SCAMP2: variants seen among roughly 807,000 people sequenced by gnomAD.
SCAMP2 encodes the protein secretory carrier-associated membrane protein 2.
In SCAMP2, 25 loss-of-function variants were observed where a neutral mutation model predicts 44.1. The observed-to-expected ratio is 0.57, with a 90% CI of 0.41 to 0.79. The LOEUF (loss-of-function observed/expected upper bound fraction) is 0.79. SCAMP2 is among the 30% of genes least tolerant of loss of function. The probability of loss-of-function intolerance (pLI) is 0.00; values close to 1 mark genes in which losing one functional copy is unlikely to be tolerated. For missense variants in SCAMP2, 355 were observed against 411.0 expected (o/e 0.86, Z 1.18); for synonymous variants, 156 against 166.0 (o/e 0.94, Z 0.46).
intron 1 of SCAMP2, among the ~76,000 whole-genome samples, chr15:74,855,546 G>A (rs187648439): frequency 7.5e-4 from 114 of 151,898 alleles, no homozygotes; most frequent in African/African-American, 2.5e-3. Context: ...GAGAAACCCC[G>A]TCTCTACTAA....
At chr15:74,870,882 G>T (rs1175108021) in intron 1 of SCAMP2, among the ~76,000 whole-genome samples, 1 of 152,192 alleles carries the variant, frequency 6.6e-6, no homozygotes, top group Admixed American at 6.6e-5. Context: ...TGACAGGAAG[G>T]ACTCCTTCAA....
At chr15:74,872,188 G>A (rs1252284740) in intron 1 of SCAMP2, among the ~76,000 whole-genome samples, 3 of 151,990 alleles carry the variant, frequency 2.0e-5, no homozygotes, top group Non-Finnish European at 4.4e-5. Flanking sequence ...CGAGGCGGAT[G>A]GATCACCTGA....
At chr15:74,853,899 A>G (rs2064451364) in intron 3 of SCAMP2, 122 bp downstream of exon 3, 1 of 827,952 alleles carries the variant, frequency 1.2e-6, no homozygotes, top group African/African-American at 1.7e-5. Context: ...CAAATTAGCA[A>G]GAGGGCCCTT....
At chr15:74,861,725 T>C (rs774487160) in intron 1 of SCAMP2, among the ~76,000 whole-genome samples, 28 of 151,548 alleles carry the variant, frequency 1.8e-4, no homozygotes, top group South Asian at 1.0e-3. Context: ...GGTGAAACCC[T>C]GTCTCTACTA....
At chr15:74,856,769 G>GT (rs1162587616) in intron 1 of SCAMP2, among the ~76,000 whole-genome samples, 2 of 151,598 alleles carry the variant, frequency 1.3e-5, no homozygotes, top group Non-Finnish European at 2.9e-5. Flanking sequence ...GATTTTTAAA[G>GT]TTTTTTTGTA....
intron 1 of SCAMP2, among the ~76,000 whole-genome samples, chr15:74,860,685 T>TAAAAAA (rs34842935): frequency 1.1e-5 from 1 of 89,532 alleles, no homozygotes. Context: ...AGACTCCATT[T>TAAAAAA]AAAAAAAAAA....
At chr15:74,871,432 C>T (rs891676205) in intron 1 of SCAMP2, among the ~76,000 whole-genome samples, 4 of 151,788 alleles carry the variant, frequency 2.6e-5, no homozygotes, top group African/African-American at 7.3e-5. Context: ...ACAGCCTGGG[C>T]GACAGAGTGA....
At chr15:74,860,994 G>A (rs753785003) in intron 1 of SCAMP2, among the ~76,000 whole-genome samples, 29 of 151,914 alleles carry the variant, frequency 1.9e-4, no homozygotes, top group Non-Finnish European at 2.9e-4. Flanking sequence ...GGCTAACAAG[G>A]TGAAACCCCA....
chr15:74,872,962 G>A (rs895609648), intron 1 of SCAMP2: 19 of 462,288 alleles, frequency 4.1e-5, no homozygotes, highest in Admixed American at 1.3e-4. Context: ...CCAGCCTCCG[G>A]GTGCTAGAAG....
chr15:74,850,660 A>C lies in SCAMP2; in HGVS notation c.486T>G (p.Thr162=). Residue 162 remains threonine (T), a synonymous_variant, in exon 6 of 9, where the codon ACT becomes ACG. Transcript: ENST00000268099. The part of the protein sequence containing the change: ...LYYLWMLHSV[T]LFLNLLACLA... ...GGCAGGCAAGCAGGTTCAGAAACAG[A>C]GTCACTGAATGCACTGGGGAAGGGG... The C allele has an allele frequency of 6.2e-7, 1 of 1,613,964 alleles. No individual in the cohort carries two copies.
At chr15:74,855,646 G>A (rs558521661) in intron 1 of SCAMP2, among the ~76,000 whole-genome samples, 119 of 149,924 alleles carry the variant, frequency 7.9e-4, no homozygotes, top group South Asian at 5.9e-3. Context: ...AACCCGGGAG[G>A]CAGAGGTTGC....
chr15:74,865,785 CAAAAAAAAAAA>C (rs768984095), intron 1 of SCAMP2, among the ~76,000 whole-genome samples: 1 of 90,662 alleles, frequency 1.1e-5, no homozygotes, highest in Non-Finnish European at 2.0e-5. Context: ...CTCATTTCTC[CAAAAAAAAAAA>C]AAAAAAAAGC....
At chr15:74,848,234 AT>A (rs1185365486) in intron 7 of SCAMP2, among the ~76,000 whole-genome samples, 1 of 151,926 alleles carries the variant, frequency 6.6e-6, no homozygotes, top group Admixed American at 6.6e-5. Context: ...CAACAGGCTA[AT>A]TTTTTTAATT....
intron 6 of SCAMP2, 150 bp downstream of exon 6, chr15:74,850,364 G>C (rs2064427200): frequency 2.5e-6 from 2 of 787,630 alleles, no homozygotes; most frequent in Non-Finnish European, 4.1e-6. Flanking sequence ...TGCTCTGGGT[G>C]GGAACAGAGG....
chr15:74,844,691 G>A lies in SCAMP2; in HGVS notation c.*392C>T. 1 of 172,702 alleles carries A rather than the reference G, an allele frequency of 5.8e-6. No individual in the cohort carries two copies. Among genetic ancestry groups the A allele is most frequent in the Non-Finnish European group, 1.3e-5 (1 of 79,830 alleles). The allele number at this position is 172,702 out of a possible 1,614,324, so 10.7% of individuals were successfully genotyped here. A position where few individuals can be genotyped will look rare whatever the true frequency, so the allele number is the denominator to read the frequency against. ...AAGAAGCCAGATTCAGGCCAGGCCT[G>A]CAGGGTGGGGGAGTCAAGGCCCAGG... On this transcript the variant is annotated 3_prime_UTR_variant, in exon 9 of 9. Transcript: ENST00000268099.
In SCAMP2 at chr15:74,855,716, C is replaced by A. The variant is rs1457943694; in HGVS notation, c.58-1067G>T. On this transcript the variant is annotated intron_variant, in intron 1 of 8. Coordinates refer to ENST00000268099, the MANE Select transcript of SCAMP2 (RefSeq NM_005697.5). ...GGGCAACAAGAGCAAAACTCCATCT[C>A]AAAAAAAAAAAAAAAAAAAAAAGTA... Among the ~76,000 whole-genome samples, 433 of 83,872 alleles carry A rather than the reference C, an allele frequency of 5.2e-3. 3 individuals are homozygous for A. The highest frequency in any genetic ancestry group is 0.014 in the African/African-American group (296 of 21,560). 55.0% of individuals were successfully genotyped at this position (83,872 alleles called of 152,430 possible).
Position 74,844,488 on chromosome 15 carries a change from G to C in SCAMP2, c.*595C>G, listed in dbSNP as rs1264701039. On this transcript the variant is annotated 3_prime_UTR_variant, in exon 9 of 9. Coordinates refer to ENST00000268099, the MANE Select transcript of SCAMP2 (RefSeq NM_005697.5). ...CCGTTTCTCAGGAACACGAGGCAGG[G>C]AAGAGCTTAAGGCAACCAGCCTTCT... The C allele has an allele frequency of 6.6e-6, 1 of 152,372 alleles. No individual in the cohort carries two copies. Among genetic ancestry groups the C allele is most frequent in the Admixed American group, 6.5e-5 (1 of 15,298 alleles). The allele number at this position is 152,372 out of a possible 1,614,324, so 9.4% of individuals were successfully genotyped here. A position where few individuals can be genotyped will look rare whatever the true frequency, so the allele number is the denominator to read the frequency against.
At chr15:74,845,355 C>T in intron 8 of SCAMP2, 118 bp downstream of exon 8, 3 of 1,591,080 alleles carry the variant, frequency 1.9e-6, no homozygotes, top group Non-Finnish European at 2.6e-6. Flanking sequence ...GAGAAAGGTA[C>T]TGGACCTTTG....
intron 4 of SCAMP2, chr15:74,851,813 C>T: frequency 2.2e-6 from 1 of 452,312 alleles, no homozygotes; most frequent in South Asian, 4.9e-5. Flanking sequence ...GGGACCAAAG[C>T]CCCTATGCTA....
Sources: gnomAD v4.1 joint callset for allele counts (sites outside exome capture counted in the v4.1 genomes callset) on GRCh38, gnomAD v4.1.1 for gene constraint, MANE v1.5 for transcripts, NCBI Gene and HGNC (gene_info 2026-07-23, HGNC 2026-07-21) for gene names.